Variants in KHDRBS2 observed in about 807,000 individuals in gnomAD.
KHDRBS2 encodes KH RNA binding domain containing, signal transduction associated 2.
In KHDRBS2, 26 loss-of-function variants were observed where a neutral mutation model predicts 44.3. The ratio of observed to expected loss-of-function variants is 0.59; its 90% CI spans 0.43 to 0.81. The LOEUF is 0.81. KHDRBS2 is among the 40% of genes least tolerant of loss of function. The probability of loss-of-function intolerance (pLI) is 0.00; values close to 1 mark genes in which losing one functional copy is unlikely to be tolerated. For synonymous variants in KHDRBS2, 194 were observed against 151.1 expected, an observed-to-expected ratio of 1.28 and a Z score of -2.08; for missense variants, 476 against 433.1, an observed-to-expected ratio of 1.10 and a Z score of -0.88.
Position 61,720,594 on chromosome 6 carries a change from T to C in KHDRBS2, c.893+12088A>G, listed in dbSNP as rs1181425781. 2.0e-5 allele frequency among the ~76,000 whole-genome samples: 3 copies of C among 152,238 alleles called. No homozygotes were observed. In the East Asian group the frequency reaches 5.8e-4, roughly 29 times the overall value. ...ATGTCTTCTTTTGAGAAGTGTCTGT[T>C]CATGTCCTTTGCCCACTTTTTGATG... On this transcript the variant is annotated intron_variant, in intron 7 of 8. Transcript: ENST00000281156.
chr6:61,691,016 T>A (rs1767343314), intron 8 of KHDRBS2, among the ~76,000 whole-genome samples: 1 of 152,058 alleles, frequency 6.6e-6, no homozygotes, highest in Non-Finnish European at 1.5e-5. Flanking sequence ...TTTTAGATAA[T>A]TCTGATGGCT....
chr6:61,848,483 ATATATATG>A (rs1365685505), intron 6 of KHDRBS2, among the ~76,000 whole-genome samples: 610 of 49,534 alleles, frequency 0.012, 36 homozygotes, highest in Non-Finnish European at 0.016. Flanking sequence ...ATATATATAT[ATATATATG>A]TATATATATA....
chr6:61,553,598 G>A, the KHDRBS2 span, among the ~76,000 whole-genome samples: 1 of 151,918 alleles, frequency 6.6e-6, no homozygotes, highest in Admixed American at 6.6e-5. Flanking sequence ...GTGATGTTAG[G>A]TTGCTGCTTT....
rs1237342105 is a variant in KHDRBS2 at position 62,127,548 on chromosome 6, T to C, written c.219+49637A>G. Among the ~76,000 whole-genome samples, 8 of 151,838 alleles carry C rather than the reference T, an allele frequency of 5.3e-5. No individual in the cohort carries two copies. In the East Asian group the frequency reaches 1.5e-3, roughly 29 times the overall value. ...TCTAAAATACATCTAATTTGAATAA[T>C]GGTTTTTACTACACTAAGTTTTTTT... On this transcript the variant is annotated intron_variant, in intron 2 of 8. Transcript: ENST00000281156.
At chr6:61,580,916 G>C in the KHDRBS2 span, among the ~76,000 whole-genome samples, 1 of 152,096 alleles carries the variant, frequency 6.6e-6, no homozygotes. Context: ...ATTAATTCCA[G>C]ACACAAAAGT....
chr6:61,781,428 A>G (rs575292668), intron 6 of KHDRBS2, among the ~76,000 whole-genome samples: 2 of 152,304 alleles, frequency 1.3e-5, no homozygotes, highest in East Asian at 3.9e-4. Flanking sequence ...TTTGAAAATC[A>G]CATTGTGTAG....
At chr6:62,062,752 G>A (rs9363752) in intron 2 of KHDRBS2, among the ~76,000 whole-genome samples, 78,343 of 136,898 alleles carry the variant, frequency 0.57, 22,844 homozygotes, top group Non-Finnish European at 0.61. Context: ...TTCAAAAGCT[G>A]GCAGAAGGCA....
chr6:62,214,915 C>T (rs1246140548), intron 1 of KHDRBS2, among the ~76,000 whole-genome samples: 4 of 151,914 alleles, frequency 2.6e-5, no homozygotes, highest in Admixed American at 2.6e-4. Flanking sequence ...GTACGTTCTT[C>T]TTCATTTGAC....
intron 6 of KHDRBS2, among the ~76,000 whole-genome samples, chr6:61,888,113 A>G (rs143467072): frequency 0.013 from 1,994 of 152,304 alleles, 15 homozygotes; most frequent in Middle Eastern, 0.024. Flanking sequence ...CCAAGCTCAT[A>G]ATACATTTTC....
intron 2 of KHDRBS2, among the ~76,000 whole-genome samples, chr6:62,107,336 A>T (rs1803676277): frequency 1.3e-5 from 2 of 152,226 alleles, no homozygotes; most frequent in Non-Finnish European, 2.9e-5. Context: ...GTGAACTCCC[A>T]TTCACAATTA....
chr6:61,592,156 A>T, the KHDRBS2 span, among the ~76,000 whole-genome samples: 1 of 141,020 alleles, frequency 7.1e-6, no homozygotes. Flanking sequence ...GTGTCGCTGC[A>T]CTCCAGCCTG....
intron 6 of KHDRBS2, among the ~76,000 whole-genome samples, chr6:61,880,941 G>A (rs1800119277): frequency 6.6e-6 from 1 of 151,830 alleles, no homozygotes; most frequent in Admixed American, 6.6e-5. Context: ...ACAAACATTT[G>A]CTTCCTTAGG....
chr6:62,148,780 CTCAAAG>C (rs1814475073), intron 2 of KHDRBS2, among the ~76,000 whole-genome samples: 1 of 152,054 alleles, frequency 6.6e-6, no homozygotes, highest in South Asian at 2.1e-4. Flanking sequence ...AAGGACAGAA[CTCAAAG>C]TCAATCTTCT....
chr6:61,725,701 G>T (rs1033650813), intron 7 of KHDRBS2, among the ~76,000 whole-genome samples: 1 of 152,064 alleles, frequency 6.6e-6, no homozygotes, highest in East Asian at 1.9e-4. Flanking sequence ...TATAAGAAAT[G>T]CATAAATTCC....
intron 6 of KHDRBS2, among the ~76,000 whole-genome samples, chr6:61,769,854 G>A (rs1423126937): frequency 9.8e-5 from 15 of 152,286 alleles, no homozygotes; most frequent in Admixed American, 3.9e-4. Flanking sequence ...CTCCCAGCAC[G>A]CAGCTTGAGA....
chr6:61,744,101 TATA>T lies in KHDRBS2; in HGVS notation c.811-11340_811-11338del, dbSNP rs1239874524. ...GCCGCTATAAGCAGTTTTATGAGAATATAAAATGTAAAGAACTATGCATATCTG... is the reference window on the plus strand; with the variant it reads ...GCCGCTATAAGCAGTTTTATGAGAATAAATGTAAAGAACTATGCATATCTG... On this transcript the variant is annotated intron_variant, in intron 6 of 8. Transcript: ENST00000281156. 2.0e-5 allele frequency among the ~76,000 whole-genome samples: 3 copies of T among 152,106 alleles called. No individual in the cohort carries two copies. The East Asian group carries it at 5.8e-4, about 29-fold the overall frequency.
chr6:62,070,789 G>A (rs771697916), intron 2 of KHDRBS2, among the ~76,000 whole-genome samples: 4 of 152,138 alleles, frequency 2.6e-5, no homozygotes, highest in South Asian at 2.1e-4. Flanking sequence ...GAATAGTCTC[G>A]CAATAAACAT....
At chr6:62,044,267 G>A (rs1787182358) in intron 3 of KHDRBS2, among the ~76,000 whole-genome samples, 1 of 151,896 alleles carries the variant, frequency 6.6e-6, no homozygotes, top group South Asian at 2.1e-4. Flanking sequence ...CTTGAATCCA[G>A]GAGTTCAGGA....
intron 2 of KHDRBS2, among the ~76,000 whole-genome samples, chr6:62,175,467 T>A (rs80317613): frequency 0.024 from 3,710 of 151,636 alleles, 116 homozygotes; most frequent in African/African-American, 0.079. Flanking sequence ...AAATGAAGAA[T>A]CTAAAATTAT....
Sources: allele counts gnomAD v4.1 joint callset (sites outside exome capture counted in the v4.1 genomes callset), GRCh38; gene constraint gnomAD v4.1.1; transcripts MANE v1.5; gene names NCBI Gene and HGNC (gene_info 2026-07-23, HGNC 2026-07-21).